Variants in ANGPT4 observed in about 807,000 individuals in gnomAD.
ANGPT4 encodes angiopoietin-4.
Under a neutral mutation model 53.0 loss-of-function variants are expected in ANGPT4, and 50 were observed. That is an observed-to-expected ratio of 0.94 (90% CI 0.75 to 1.20). ANGPT4 has a LOEUF of 1.20. ANGPT4 is among the 50% of genes most tolerant of loss of function. The pLI is 0.00. For missense variants in ANGPT4, 648 were observed against 637.1 expected (o/e 1.02, Z -0.18); for synonymous variants, 251 against 259.7 (o/e 0.97, Z 0.32).
chr20:912,336 G>T (rs893705809), intron 1 of ANGPT4, among the ~76,000 whole-genome samples: 1 of 152,154 alleles, frequency 6.6e-6, no homozygotes, highest in Non-Finnish European at 1.5e-5. Context: ...CCCAGCCTCC[G>T]GATTAGGCAC....
At chr20:874,229 T>A in intron 8 of ANGPT4, 55 bp downstream of exon 8, 1 of 1,601,632 alleles carries the variant, frequency 6.2e-7, no homozygotes. Context: ...GGAATGGGAG[T>A]GTCAATCTGG....
intron 1 of ANGPT4, among the ~76,000 whole-genome samples, chr20:905,335 G>A (rs959871189): frequency 6.6e-6 from 1 of 152,216 alleles, no homozygotes; most frequent in African/African-American, 2.4e-5. Context: ...CTAGAATAGG[G>A]CTAGGCATAT....
At chr20:897,717 G>A (rs1438867065) in intron 1 of ANGPT4, among the ~76,000 whole-genome samples, 9 of 152,126 alleles carry the variant, frequency 5.9e-5, no homozygotes, top group East Asian at 1.9e-4. Context: ...GCTGCTCACC[G>A]CCCGCTTCTC....
intron 3 of ANGPT4, among the ~76,000 whole-genome samples, chr20:885,616 C>T (rs1981590366): frequency 6.6e-6 from 1 of 152,208 alleles, no homozygotes; most frequent in Non-Finnish European, 1.5e-5. Context: ...CAGCAGTCTA[C>T]TCTCAGGAGT....
chr20:915,890 C>T lies in ANGPT4; in HGVS notation c.309+16G>A, dbSNP rs960876006. The T allele has an allele frequency of 7.8e-6, 12 of 1,537,832 alleles. No individual in the cohort carries two copies. The highest frequency in any genetic ancestry group is 1.1e-5 in the Non-Finnish European group (12 of 1,140,074). On this transcript the variant is annotated intron_variant, in intron 1 of 8. Coordinates refer to ENST00000381922, the MANE Select transcript of ANGPT4 (RefSeq NM_015985.4). ...AAGCCGCCCTCTGCCCCCTGCAAACCTCCCATGCCCCGTACCTTCTTCAGC... is the reference window on the plus strand; with the variant it reads ...AAGCCGCCCTCTGCCCCCTGCAAACTTCCCATGCCCCGTACCTTCTTCAGC...
At chr20:874,484 C>T in intron 7 of ANGPT4, 70 bp from the exon 8 acceptor site, 1 of 1,587,750 alleles carries the variant, frequency 6.3e-7, no homozygotes, top group Non-Finnish European at 8.6e-7. Flanking sequence ...CGAGCAAGAA[C>T]TTCCCCAGTG....
In ANGPT4 at chr20:907,790, C is replaced by T. The variant is rs1982533546; in HGVS notation, c.309+8116G>A. Among the ~76,000 whole-genome samples, 6 of 152,184 alleles carry T rather than the reference C, an allele frequency of 3.9e-5. No homozygotes were observed. The South Asian group carries it at 1.2e-3, about 32-fold the overall frequency. On this transcript the variant is annotated intron_variant, in intron 1 of 8. Coordinates refer to ENST00000381922, the MANE Select transcript of ANGPT4 (RefSeq NM_015985.4). ...TGCCCACCCCCCAACCTCACCTCAA[C>T]TTTGGGAAAATAGGGCAAAGTATGT...
intron 1 of ANGPT4, among the ~76,000 whole-genome samples, chr20:904,487 T>A (rs1342470120): frequency 7.4e-6 from 1 of 134,324 alleles, no homozygotes; most frequent in African/African-American, 3.4e-5. Context: ...GCCTGTAGGA[T>A]GTTTCCAGGC....
intron 3 of ANGPT4, 65 bp from the exon 4 acceptor site, chr20:885,390 C>T (rs894640199): frequency 6.9e-7 from 1 of 1,446,874 alleles, no homozygotes; most frequent in Non-Finnish European, 9.1e-7. Context: ...CCCCGCGCGC[C>T]TCCCCGGCCC....
intron 1 of ANGPT4, among the ~76,000 whole-genome samples, chr20:915,149 C>T (rs1009357008): frequency 3.3e-5 from 5 of 152,074 alleles, no homozygotes; most frequent in Non-Finnish European, 5.9e-5. Flanking sequence ...AATCGAATCA[C>T]GGGTGTCTGT....
At chr20:884,926 C>CTGTTTATTGT in intron 4 of ANGPT4, 152 bp downstream of exon 4, 1 of 1,137,084 alleles carries the variant, frequency 8.8e-7, no homozygotes, top group Non-Finnish European at 1.2e-6. Context: ...GCCATTATTA[C>CTGTTTATTGT]TGTTTATTGT....
chr20:881,207 G>A lies in ANGPT4; in HGVS notation c.915C>T (p.Tyr305=). 6.2e-7 allele frequency: 1 copy of A among 1,611,014 alleles called. No homozygotes were observed. The highest frequency in any genetic ancestry group is 1.1e-5 in the South Asian group (1 of 90,552). ...TCGTTGCATTGGACACCTGGATGGT[G>A]TAGACACCACTGGCACTGGCCCCAG... The part of the protein sequence containing the change: ...QRSGASASGV[Y]TIQVSNATKP... The change falls in exon 5 of 9, where the codon TAC becomes TAT. Residue 305 remains tyrosine, a synonymous_variant. Transcript: ENST00000381922.
chr20:888,319 T>G lies in ANGPT4; in HGVS notation c.586A>C (p.Ser196Arg). The change falls in exon 3 of 9, where the codon AGC becomes CGC. Residue 196 changes from serine (S) to arginine (R), a missense_variant and splice_region_variant. By Grantham distance (110) the Ser-to-Arg change is moderately radical. Coordinates refer to ENST00000381922, the MANE Select transcript of ANGPT4 (RefSeq NM_015985.4). ...QKLQQLQGQN[S>R]ALEKRLQALE... Reference sequence around the variant, plus strand: ...TCTGGTGCCAGGTGCCACACCCACCTGTTTTGGCCCTGAAGCTGCTGGAGC... The same window carrying G: ...TCTGGTGCCAGGTGCCACACCCACCGGTTTTGGCCCTGAAGCTGCTGGAGC... 6.2e-7 allele frequency: 1 copy of G among 1,612,800 alleles called. No individual in the cohort carries two copies. Among genetic ancestry groups the G allele is most frequent in the Admixed American group, 1.7e-5 (1 of 59,958 alleles).
chr20:899,198 C>A (rs954780804), intron 1 of ANGPT4, among the ~76,000 whole-genome samples: 8 of 152,096 alleles, frequency 5.3e-5, no homozygotes, highest in African/African-American at 1.9e-4. Context: ...GTATTGACGG[C>A]CAGGCTGCTA....
Position 916,099 on chromosome 20 carries a change from T to C in ANGPT4, c.116A>G (p.Gln39Arg), listed in dbSNP as rs199886060. ...ADRGCETLVV[Q>R]HGHCSYTFLL... is the part of the protein sequence containing the mutation. ...GAAGGTGTAGCTACAGTGGCCGTGC[T>C]GGACTACAAGTGTCTCGCAGCCCCT... is the stretch of plus-strand genomic sequence containing the variant. The change falls in exon 1 of 9, where the codon CAG becomes CGG. Residue 39 changes from glutamine to arginine, a missense_variant. By Grantham distance (43) the Gln-to-Arg change is conservative (BLOSUM62 1). Coordinates refer to ENST00000381922, the MANE Select transcript of ANGPT4 (RefSeq NM_015985.4). 17 of 1,614,216 alleles carry C rather than the reference T, an allele frequency of 1.1e-5. No homozygotes were observed. Among genetic ancestry groups the C allele is most frequent in the Admixed American group, 1.7e-5 (1 of 60,032 alleles).
At chr20:913,791 G>C (rs1229372572) in intron 1 of ANGPT4, among the ~76,000 whole-genome samples, 1 of 152,250 alleles carries the variant, frequency 6.6e-6, no homozygotes, top group Non-Finnish European at 1.5e-5. Context: ...CCACAGGATG[G>C]GCTGGGCCAG....
At chr20:913,414 G>C (rs890971353) in intron 1 of ANGPT4, among the ~76,000 whole-genome samples, 2 of 152,104 alleles carry the variant, frequency 1.3e-5, no homozygotes, top group African/African-American at 4.8e-5. Context: ...TAGCCATTTG[G>C]TAAGGAAGTA....
At chr20:879,160 C>G (rs115062171) in intron 6 of ANGPT4, among the ~76,000 whole-genome samples, 1,841 of 152,272 alleles carry the variant, frequency 0.012, 40 homozygotes, top group African/African-American at 0.042. Context: ...AGCAAGCAGA[C>G]GCAAATAATA....
chr20:903,999 C>T (rs544004252), intron 1 of ANGPT4, among the ~76,000 whole-genome samples: 19 of 152,254 alleles, frequency 1.2e-4, no homozygotes, highest in Non-Finnish European at 2.1e-4. Context: ...TACACAGGAG[C>T]TAATGGCCAG....
Sources: allele counts gnomAD v4.1 joint callset (sites outside exome capture counted in the v4.1 genomes callset), GRCh38; gene constraint gnomAD v4.1.1; transcripts MANE v1.5; gene names NCBI Gene and HGNC (gene_info 2026-07-23, HGNC 2026-07-21).